The following BTBD16 variants were observed in gnomAD, a reference collection of about 807,000 sequenced individuals.
BTBD16 encodes BTB/POZ domain-containing protein 16.
BTBD16 carries 66 observed loss-of-function variants against 67.4 expected under a neutral mutation model. The observed-to-expected ratio is 0.98, with a 90% CI of 0.80 to 1.20. The LOEUF (loss-of-function observed/expected upper bound fraction) is 1.20. Ranked by LOEUF, BTBD16 falls within the 50% of genes most tolerant of loss-of-function variation. BTBD16 has a pLI of 0.00. For missense variants in BTBD16, 634 were observed against 616.0 expected, an observed-to-expected ratio of 1.03 and a Z score of -0.31; for synonymous variants, 242 against 236.4, an observed-to-expected ratio of 1.02 and a Z score of -0.22.
chr10:122,329,845 G>A (rs979957253), intron 11 of BTBD16, among the ~76,000 whole-genome samples: 2 of 152,172 alleles, frequency 1.3e-5, no homozygotes, highest in Admixed American at 1.3e-4. Flanking sequence ...GCTGCCAAGG[G>A]CTGTTTTATT....
In BTBD16 at chr10:122,307,315, T is replaced by C; in HGVS notation, c.911+7T>C. ...TGATGACATTTTTTAAGAGGTAATATAACTTAGTGTTGATTGATGAAATAC... is the reference window on the plus strand; with the variant it reads ...TGATGACATTTTTTAAGAGGTAATACAACTTAGTGTTGATTGATGAAATAC... On this transcript the variant is annotated splice_region_variant and intron_variant, in intron 10 of 15. Coordinates refer to ENST00000260723, the MANE Select transcript of BTBD16 (RefSeq NM_144587.5). The C allele has an allele frequency of 1.3e-6, 2 of 1,595,772 alleles. No homozygotes were observed. The highest frequency in any genetic ancestry group is 1.7e-6 in the Non-Finnish European group (2 of 1,173,568).
intron 3 of BTBD16, among the ~76,000 whole-genome samples, chr10:122,282,990 G>C (rs2096356137): frequency 6.6e-6 from 1 of 152,224 alleles, no homozygotes; most frequent in Non-Finnish European, 1.5e-5. Flanking sequence ...GGCAGGTCCA[G>C]GTGCAGGCTG....
intron 2 of BTBD16, among the ~76,000 whole-genome samples, chr10:122,276,410 T>G (rs2096340646): frequency 6.6e-6 from 1 of 152,250 alleles, no homozygotes. Flanking sequence ...TTGCCCAAGA[T>G]CTCCACAGTT....
chr10:122,313,495 C>G (rs2096418014), intron 10 of BTBD16, among the ~76,000 whole-genome samples: 1 of 151,356 alleles, frequency 6.6e-6, no homozygotes, highest in Non-Finnish European at 1.5e-5. Context: ...GAACTCCTGA[C>G]CTTGTGATCC....
intron 7 of BTBD16, chr10:122,294,081 G>C: frequency 8.2e-6 from 8 of 972,778 alleles, no homozygotes; most frequent in Non-Finnish European, 9.8e-6. Context: ...GAAGCTGATG[G>C]GACCTGCCCA....
chr10:122,293,972 C>T (rs1230724727), intron 7 of BTBD16: 1 of 215,986 alleles, frequency 4.6e-6, no homozygotes, highest in Non-Finnish European at 7.9e-6. Flanking sequence ...ATCCTCCTTT[C>T]CCCTCCCCCC....
At chr10:122,287,347 T>C in intron 5 of BTBD16, 1 of 819,282 alleles carries the variant, frequency 1.2e-6, no homozygotes, top group East Asian at 1.2e-4. Context: ...GCAGGAGAAT[T>C]TGGAAGTGGA....
chr10:122,299,316 G>T (rs1374208690), intron 9 of BTBD16, among the ~76,000 whole-genome samples, 182 bp downstream of exon 9: 1 of 152,140 alleles, frequency 6.6e-6, no homozygotes, highest in African/African-American at 2.4e-5. Flanking sequence ...TGGGGAGAGG[G>T]CTCCCTTCTC....
intron 1 of BTBD16, among the ~76,000 whole-genome samples, chr10:122,273,305 A>T (rs544791791): frequency 5.2e-4 from 78 of 151,374 alleles, no homozygotes; most frequent in Non-Finnish European, 9.9e-4. Context: ...AGATATATGT[A>T]TACACACATG....
At chr10:122,328,131 G>T (rs2096448544) in intron 10 of BTBD16, among the ~76,000 whole-genome samples, 1 of 152,168 alleles carries the variant, frequency 6.6e-6, no homozygotes, top group Non-Finnish European at 1.5e-5. Flanking sequence ...TGAAAAATAG[G>T]CAGAAGAAGG....
chr10:122,291,336 G>A (rs2096373733), intron 7 of BTBD16, 142 bp downstream of exon 7: 1 of 1,113,440 alleles, frequency 9.0e-7, no homozygotes, highest in Non-Finnish European at 1.2e-6. Context: ...CCTTGAGCCT[G>A]GAAAGGAACT....
At chr10:122,286,280 C>T (rs973148503) in intron 5 of BTBD16, 32 bp downstream of exon 5, 2 of 1,580,144 alleles carry the variant, frequency 1.3e-6, no homozygotes, top group African/African-American at 2.7e-5. Context: ...GTGCTGGAGC[C>T]CCAGTGCCCT....
intron 10 of BTBD16, among the ~76,000 whole-genome samples, chr10:122,313,270 T>G (rs12357573): frequency 2.1e-4 from 30 of 144,620 alleles, no homozygotes; most frequent in East Asian, 8.4e-4. Flanking sequence ...TTTTTTTTTT[T>G]GTTTTTTTTT....
Position 122,336,522 on chromosome 10 carries a change from C to T in BTBD16, c.1292C>T (p.Pro431Leu), listed in dbSNP as rs2096463455. The change falls in exon 15 of 16, where the codon CCC becomes CTC. Residue 431 changes from proline to leucine, a missense_variant. Pro to Leu is a moderately conservative substitution (Grantham distance 98). Coordinates refer to ENST00000260723, the MANE Select transcript of BTBD16 (RefSeq NM_144587.5). ...QRIKHTDLES[P>L]SAVYEHNHVS... ...ATAAAGCACACAGACCTGGAATCTCCCTCTGCGGTCTACGAGCACAACCAC... is the reference window on the plus strand; with the variant it reads ...ATAAAGCACACAGACCTGGAATCTCTCTCTGCGGTCTACGAGCACAACCAC... 6.2e-7 allele frequency: 1 copy of T among 1,611,022 alleles called. No individual in the cohort carries two copies. Among genetic ancestry groups the T allele is most frequent in the Non-Finnish European group, 8.5e-7 (1 of 1,178,476 alleles).
At chr10:122,307,841 G>A (rs1047564807) in intron 10 of BTBD16, among the ~76,000 whole-genome samples, 5 of 152,178 alleles carry the variant, frequency 3.3e-5, no homozygotes, top group East Asian at 1.9e-4. Context: ...ACGTCTTCAC[G>A]TAGTGACCTG....
chr10:122,336,099 C>G (rs2133332456), intron 14 of BTBD16, among the ~76,000 whole-genome samples: 1 of 152,252 alleles, frequency 6.6e-6, no homozygotes, highest in Admixed American at 6.5e-5. Context: ...CTTCCATGGG[C>G]CTCAGCTCTT....
chr10:122,312,669 A>G (rs2096416148), intron 10 of BTBD16, among the ~76,000 whole-genome samples: 1 of 151,946 alleles, frequency 6.6e-6, no homozygotes, highest in Admixed American at 6.6e-5. Flanking sequence ...ATTCCCTTTT[A>G]ATTTACATTC....
intron 11 of BTBD16, among the ~76,000 whole-genome samples, chr10:122,329,839 C>T (rs1401335482): frequency 6.6e-6 from 1 of 152,050 alleles, no homozygotes; most frequent in Non-Finnish European, 1.5e-5. Context: ...TGTACGGCTG[C>T]CAAGGGCTGT....
Position 122,297,816 on chromosome 10 carries a change from A to G in BTBD16, c.639A>G (p.Lys213=), listed in dbSNP as rs768433697. 41 of 1,614,170 alleles carry G rather than the reference A, an allele frequency of 2.5e-5. No individual in the cohort carries two copies. The highest frequency in any genetic ancestry group is 3.4e-5 in the Non-Finnish European group (40 of 1,180,018). ...IARLKPSTIK[K]FYEAGCKYKE... is the part of the protein sequence containing the mutation. Reference sequence around the variant, plus strand: ...GACTCAAGCCAAGCACCATCAAGAAATTCTACGAGGCCGGCTGCAAGGTGA... The same window carrying G: ...GACTCAAGCCAAGCACCATCAAGAAGTTCTACGAGGCCGGCTGCAAGGTGA... Residue 213 remains lysine (K), a synonymous_variant, in exon 8 of 16, where the codon AAA becomes AAG. Transcript: ENST00000260723.
Sources: gnomAD v4.1 joint callset for allele counts (sites outside exome capture counted in the v4.1 genomes callset) on GRCh38, gnomAD v4.1.1 for gene constraint, MANE v1.5 for transcripts, NCBI Gene and HGNC (gene_info 2026-07-23, HGNC 2026-07-21) for gene names.